The following AGL variants were observed in gnomAD, a reference collection of about 807,000 sequenced individuals.
AGL encodes amylo-alpha-1,6-glucosidase and 4-alpha-glucanotransferase.
A neutral mutation model predicts 199.3 loss-of-function variants in AGL; 128 were observed. The observed-to-expected ratio is 0.64, with a 90% CI of 0.56 to 0.74. AGL has a LOEUF of 0.74. Among genes scored for constraint, AGL ranks in the 30% least tolerant of loss-of-function variants. The pLI, the probability that AGL is intolerant of heterozygous loss-of-function variation, is 0.00. For synonymous variants in AGL, 584 were observed against 594.7 expected, an observed-to-expected ratio of 0.98 and a Z score of 0.26; for missense variants, 1,809 against 1,820.8, an observed-to-expected ratio of 0.99 and a Z score of 0.12.
At chr1:99,908,806 C>A (rs1364963452) in intron 27 of AGL, among the ~76,000 whole-genome samples, 1 of 152,134 alleles carries the variant, frequency 6.6e-6, no homozygotes, top group African/African-American at 2.4e-5. Flanking sequence ...CTGGCCTACT[C>A]TTGTGGGCTG....
chr1:99,875,422 G>C lies in AGL; in HGVS notation c.1250G>C (p.Gly417Ala), dbSNP rs754419745. The C allele has an allele frequency of 3.1e-6, 5 of 1,613,946 alleles. No homozygotes were observed. The African/African-American group carries it at 6.7e-5, about 22-fold the overall frequency. The change falls in exon 10 of 34, where the codon GGA (glycine) becomes GCA (alanine). Residue 417 changes from glycine to alanine, a missense_variant. Transcript: ENST00000361915. ...ERLAGHGPKL[G>A]PVTRKHPLVT... ...CTGGCTGGCCATGGTCCAAAACTAG[G>C]ACCTGTCACTAGAAAGCATCCTTTA...
At chr1:99,858,241 G>T in intron 2 of AGL, among the ~76,000 whole-genome samples, 1 of 152,182 alleles carries the variant, frequency 6.6e-6, no homozygotes. Context: ...TTTGAGATTC[G>T]TCCTTTTCAG....
intron 17 of AGL, among the ~76,000 whole-genome samples, chr1:99,883,232 A>G (rs1652190945): frequency 6.6e-6 from 1 of 152,168 alleles, no homozygotes; most frequent in Non-Finnish European, 1.5e-5. Context: ...GAATTTCTAG[A>G]TCAAAAGGTT....
intron 28 of AGL, 132 bp downstream of exon 28, chr1:99,910,979 C>A: frequency 1.1e-6 from 1 of 888,190 alleles, no homozygotes; most frequent in Non-Finnish European, 1.8e-6. Flanking sequence ...TTCTTCCCTT[C>A]ATCTCCCCAT....
Position 99,888,069 on chromosome 1 carries a change from A to G in AGL, c.2773A>G (p.Ile925Val), listed in dbSNP as rs763812355. Residue 925 changes from isoleucine to valine, a missense_variant, in exon 21 of 34, where the codon ATA becomes GTA. Physicochemically the swap from Ile to Val is conservative, Grantham distance 29. Transcript: ENST00000361915. ...EKEDGGGCYDIPNWSALKYAG... is the reference protein window; with the variant it reads ...EKEDGGGCYDVPNWSALKYAG... ...GGAAGATGGTGGAGGGTGCTATGAC[A>G]TACCAAACTGGTCAGCCCTTAAATA... 5 of 1,613,426 alleles carry G rather than the reference A, an allele frequency of 3.1e-6. No individual in the cohort carries two copies. The highest frequency in any genetic ancestry group is 3.3e-5 in the Admixed American group (2 of 59,932).
intron 17 of AGL, among the ~76,000 whole-genome samples, 191 bp from the exon 18 acceptor site, chr1:99,883,926 TTAA>T (rs1652243214): frequency 6.6e-6 from 1 of 152,182 alleles, no homozygotes; most frequent in African/African-American, 2.4e-5. Context: ...AAAAGCTTTG[TTAA>T]CTAAGCTGTA....
chr1:99,856,419 CTTTCT>C (rs199914213), intron 2 of AGL, among the ~76,000 whole-genome samples: 5,687 of 144,042 alleles, frequency 0.039, 205 homozygotes, highest in African/African-American at 0.087. Context: ...TCCTTCTTCC[CTTTCT>C]TTTCTTTTCT....
rs1653769611 is a variant in AGL at position 99,900,825 on chromosome 1, T to C, written c.3552T>C (p.Pro1184=). 6.2e-7 allele frequency: 1 copy of C among 1,613,628 alleles called. No individual in the cohort carries two copies. The highest frequency in any genetic ancestry group is 1.1e-5 in the South Asian group (1 of 91,082). Residue 1184 remains proline (P), a synonymous_variant, in exon 26 of 34, where the codon CCT becomes CCC. Coordinates refer to ENST00000361915, the MANE Select transcript of AGL (RefSeq NM_000642.3). Reference sequence around the variant, plus strand: ...AGTGCCCAGTTTCCAGAATGTATCCTACAGATGATTCTGCTCCTTTGCCTG... The same window carrying C: ...AGTGCCCAGTTTCCAGAATGTATCCCACAGATGATTCTGCTCCTTTGCCTG... ...ILKCPVSRMY[P]TDDSAPLPAG... is the part of the protein sequence containing the mutation.
intron 2 of AGL, among the ~76,000 whole-genome samples, chr1:99,859,303 G>A (rs1029715239): frequency 2.7e-5 from 4 of 149,238 alleles, no homozygotes; most frequent in Non-Finnish European, 5.9e-5. Flanking sequence ...ATTTTAAAAT[G>A]TTTTCCCTAA....
At chr1:99,878,247 A>C (rs1024137102) in intron 12 of AGL, among the ~76,000 whole-genome samples, 2 of 152,090 alleles carry the variant, frequency 1.3e-5, no homozygotes, top group Non-Finnish European at 2.9e-5. Flanking sequence ...CGGGCGGCTG[A>C]GGCAGGAGAA....
intron 11 of AGL, among the ~76,000 whole-genome samples, chr1:99,877,201 T>C (rs968590319): frequency 1.3e-5 from 2 of 152,190 alleles, no homozygotes; most frequent in African/African-American, 4.8e-5. Flanking sequence ...AATTTGGGTG[T>C]AAGTATCTCT....
intron 24 of AGL, 22 bp downstream of exon 24, chr1:99,892,629 T>A: frequency 6.2e-7 from 1 of 1,607,018 alleles, no homozygotes; most frequent in Non-Finnish European, 8.5e-7. Context: ...TGTACAAGGT[T>A]AAAATATGTA....
chr1:99,862,911 A>G (rs761993404), intron 4 of AGL, among the ~76,000 whole-genome samples: 1 of 151,788 alleles, frequency 6.6e-6, no homozygotes, highest in African/African-American at 2.4e-5. Flanking sequence ...GTTTCTTATT[A>G]TTTAGTAATA....
intron 20 of AGL, 31 bp from the exon 21 acceptor site, chr1:99,887,947 T>G (rs1467362323): frequency 1.2e-6 from 2 of 1,611,356 alleles, no homozygotes; most frequent in African/African-American, 2.7e-5. Flanking sequence ...GAAACTTCAA[T>G]ATATGGTTAT....
intron 33 of AGL, among the ~76,000 whole-genome samples, chr1:99,919,138 C>T (rs534424654): frequency 6.6e-6 from 1 of 152,286 alleles, no homozygotes; most frequent in African/African-American, 2.4e-5. Flanking sequence ...TTCCTGGATT[C>T]TCAGTTCAAC....
At position 99,921,570 on chromosome 1, in the gene AGL, G is replaced by A; in HGVS notation, c.4518G>A (p.Glu1506=). Residue 1506 remains glutamate, a synonymous_variant, in exon 34 of 34, where the codon GAG becomes GAA. Transcript: ENST00000361915. ...AAGGACTTCCAGAACTGACCAATGA[G>A]AATGCCCAGTACTGTCCTTTCAGCT... ...PWKGLPELTN[E]NAQYCPFSCE... is the part of the protein sequence containing the mutation. 6.2e-7 allele frequency: 1 copy of A among 1,613,104 alleles called. No homozygotes were observed. Among genetic ancestry groups the A allele is most frequent in the African/African-American group, 1.3e-5 (1 of 75,018 alleles).
At chr1:99,868,665 C>T (rs951942881) in intron 5 of AGL, among the ~76,000 whole-genome samples, 3 of 152,022 alleles carry the variant, frequency 2.0e-5, no homozygotes, top group Admixed American at 6.6e-5. Flanking sequence ...ACTTGTCGTC[C>T]TGACTACTTG....
In AGL at chr1:99,857,417, G is replaced by A. The variant is rs928036352; in HGVS notation, c.83-4086G>A. On this transcript the variant is annotated intron_variant, in intron 2 of 33. Transcript: ENST00000361915. Reference sequence around the variant, plus strand: ...TCACTTCCCAGACGGGGTGGCGGCCGGGCAGAGGCTGCAGTCTCGGCACTT... The same window carrying A: ...TCACTTCCCAGACGGGGTGGCGGCCAGGCAGAGGCTGCAGTCTCGGCACTT... Among the ~76,000 whole-genome samples the A allele has an allele frequency of 5.9e-5, 9 of 152,190 alleles. No individual in the cohort carries two copies. The South Asian group carries it at 1.2e-3, about 21-fold the overall frequency.
chr1:99,884,669 A>C lies in AGL; in HGVS notation c.2647A>C (p.Asn883His). 2 of 1,614,024 alleles carry C rather than the reference A, an allele frequency of 1.2e-6. No individual in the cohort carries two copies. The highest frequency in any genetic ancestry group is 1.7e-6 in the Non-Finnish European group (2 of 1,179,944). ...HFKSGSLAVD[N>H]ADPILKIPFA... ...TAAATCTGGCAGCCTAGCTGTTGAC[A>C]ATGCAGATCCTATATTAAAAATTCC... Residue 883 changes from asparagine to histidine, a missense_variant, in exon 20 of 34, where the codon AAT becomes CAT. Coordinates refer to ENST00000361915, the MANE Select transcript of AGL (RefSeq NM_000642.3).
Sources: allele counts gnomAD v4.1 joint callset (sites outside exome capture counted in the v4.1 genomes callset), GRCh38; gene constraint gnomAD v4.1.1; transcripts MANE v1.5; gene names NCBI Gene and HGNC (gene_info 2026-07-23, HGNC 2026-07-21).